The following GTPBP6 variants were observed in gnomAD, a reference collection of about 807,000 sequenced individuals.
The protein encoded by GTPBP6 is putative GTP-binding protein 6.
In GTPBP6, 33 loss-of-function variants were observed where a neutral mutation model predicts 28.9. That is an observed-to-expected ratio of 1.14 (90% CI 0.87 to 1.53). The LOEUF is 1.53. Ranked by LOEUF, GTPBP6 falls within the 40% of genes most tolerant of loss-of-function variation. The probability of loss-of-function intolerance (pLI) is 0.00; values close to 1 mark genes in which losing one functional copy is unlikely to be tolerated. For missense variants in GTPBP6, 507 were observed against 408.3 expected, an observed-to-expected ratio of 1.24 and a Z score of -2.08; for synonymous variants, 231 against 192.7, an observed-to-expected ratio of 1.20 and a Z score of -1.65.
intron 7 of GTPBP6, among the ~76,000 whole-genome samples, chrX:308,607 G>A (rs28493734): frequency 0.024 from 3,710 of 151,978 alleles, 103 homozygotes; most frequent in African/African-American, 0.069. Flanking sequence ...TTGAGCCCAG[G>A]AGGTCGAGGC....
intron 2 of GTPBP6, among the ~76,000 whole-genome samples, chrX:315,664 C>G (rs1424272926): frequency 0.012 from 143 of 11,896 alleles, no homozygotes; most frequent in Admixed American, 0.017. Flanking sequence ...GTAAACACAT[C>G]CCGGCAGGGA....
exon 9 of GTPBP6, chrX:307,469 G>A (rs372906272): frequency 9.2e-5 from 149 of 1,610,968 alleles, no homozygotes; most frequent in Admixed American, 1.7e-4. Flanking sequence ...CCGTGGCCCC[G>A]CAGGGCAGAC....
At chrX:316,872 G>C (rs1386008952) in intron 2 of GTPBP6, 42 bp downstream of exon 2, 1 of 398,750 alleles carries the variant, frequency 2.5e-6, no homozygotes, top group Non-Finnish European at 4.4e-6. Flanking sequence ...GCGGCGGACA[G>C]GAAAGGAGGT....
intron 6 of GTPBP6, 139 bp downstream of exon 6, chrX:312,627 C>T (rs757655166): frequency 2.3e-6 from 2 of 881,014 alleles, no homozygotes; most frequent in Admixed American, 2.0e-5. Flanking sequence ...ACCATGGGAA[C>T]CCCCTCTCCT....
At chrX:315,599 C>G (rs1195058207) in intron 2 of GTPBP6, among the ~76,000 whole-genome samples, 1 of 139,656 alleles carries the variant, frequency 7.2e-6, no homozygotes, top group African/African-American at 2.7e-5. Flanking sequence ...AAATACATCC[C>G]GACAGGGACA....
At chrX:316,868 G>A (rs2070449145) in intron 2 of GTPBP6, 46 bp downstream of exon 2, 1 of 398,764 alleles carries the variant, frequency 2.5e-6, no homozygotes, top group Non-Finnish European at 4.4e-6. Flanking sequence ...GGTAGCGGCG[G>A]ACAGGAAAGG....
Position 311,309 on chromosome X carries a change from G to GGCTGTGTGTGTCTGAGGGCCCGACCCCT in GTPBP6, c.1125+109_1125+110insAGGGGTCGGGCCCTCAGACACACACAGC. ...GTGGGTGTCCGAGGGCCCGGCCCCT[G>GGCTGTGTGTGTCTGAGGGCCCGACCCCT]GGCTGAGTGGGTGTCCGAGGGCCCG... On this transcript the variant is annotated intron_variant, in intron 7 of 9. Coordinates refer to ENST00000326153, the Ensembl canonical transcript of GTPBP6. The GGCTGTGTGTGTCTGAGGGCCCGACCCCT allele has an allele frequency of 5.9e-6, 4 of 677,096 alleles. No individual in the cohort carries two copies. The African/African-American group carries it at 7.5e-5, about 13-fold the overall frequency. 41.9% of individuals were successfully genotyped at this position (677,096 alleles called of 1,614,324 possible).
At chrX:313,005 G>C in intron 5 of GTPBP6, 81 bp from the exon 6 acceptor site, 1 of 1,246,404 alleles carries the variant, frequency 8.0e-7, no homozygotes, top group Non-Finnish European at 1.1e-6. Context: ...AGGGTCTGCG[G>C]GGGCCCGGGG....
intron 9 of GTPBP6, among the ~76,000 whole-genome samples, chrX:306,521 G>A (rs1228558644): frequency 7.0e-6 from 1 of 142,412 alleles, no homozygotes; most frequent in Non-Finnish European, 1.5e-5. Flanking sequence ...AGTCAGAAAT[G>A]TACATTTTGT....
intron 5 of GTPBP6, among the ~76,000 whole-genome samples, 195 bp downstream of exon 5, chrX:313,955 C>T (rs750063245): frequency 1.4e-4 from 21 of 152,276 alleles, no homozygotes; most frequent in Admixed American, 4.6e-4. Context: ...TGCTACCAGA[C>T]GGAGCCCCCA....
At chrX:306,694 G>A (rs113256000) in intron 9 of GTPBP6, among the ~76,000 whole-genome samples, 15,240 of 139,822 alleles carry the variant, frequency 0.11, 2,330 homozygotes, top group African/African-American at 0.36. Context: ...GACTGTCAGT[G>A]CAGATTAGGC....
At chrX:316,815 C>A in intron 2 of GTPBP6, 99 bp downstream of exon 2, 2 of 399,070 alleles carry the variant, frequency 5.0e-6, no homozygotes, top group Non-Finnish European at 8.8e-6. Context: ...CCTCTGGCCC[C>A]GCAAGACCCC....
chrX:305,102 C>T (rs763401928), exon 10 of GTPBP6: 101 of 1,613,050 alleles, frequency 6.3e-5, no homozygotes, highest in Non-Finnish European at 8.1e-5. Flanking sequence ...CCGGAATTTG[C>T]CGTAGGCTGA....
chrX:317,392 C>A (rs2070457307), intron 1 of GTPBP6, among the ~76,000 whole-genome samples: 1 of 152,000 alleles, frequency 6.6e-6, no homozygotes, highest in Non-Finnish European at 1.5e-5. Context: ...GAGGTCTGCG[C>A]GCTGTTCTGA....
intron 7 of GTPBP6, among the ~76,000 whole-genome samples, chrX:311,210 C>T (rs28394257): frequency 0.021 from 3,155 of 150,136 alleles, 239 homozygotes; most frequent in African/African-American, 0.069. Flanking sequence ...AGGGCCCGGC[C>T]CCTGGCTTTG....
In GTPBP6 at chrX:311,401, C is replaced by A. The variant is rs373989071; in HGVS notation, c.1125+18G>T. The A allele has an allele frequency of 2.8e-5, 32 of 1,144,534 alleles. No individual in the cohort carries two copies. In the Admixed American group the frequency reaches 9.6e-4, roughly 34 times the overall value. The allele number at this position is 1,144,534 out of a possible 1,614,324, so 70.9% of individuals were successfully genotyped here. On this transcript the variant is annotated intron_variant, in intron 7 of 9. Transcript: ENST00000326153. ...AATGGGTGTCCGAGCACCCGATCCC[C>A]GGCCGTCCCACGCTCACCGAGTGGG...
chrX:317,567 GGT>G (rs1358881503), intron 1 of GTPBP6, among the ~76,000 whole-genome samples: 1,486 of 76,042 alleles, frequency 0.02, 60 homozygotes, highest in African/African-American at 0.095. Context: ...GGGGGTGGGG[GGT>G]GGGACTAGAC....
chrX:309,366 C>T (rs994663150), intron 7 of GTPBP6, among the ~76,000 whole-genome samples: 20 of 152,176 alleles, frequency 1.3e-4, no homozygotes, highest in African/African-American at 4.8e-4. Flanking sequence ...GAATGGGACC[C>T]TACCCAGAAT....
chrX:317,182 C>T (rs2070454020), intron 1 of GTPBP6, 131 bp from the exon 2 acceptor site: 1 of 397,998 alleles, frequency 2.5e-6, no homozygotes, highest in Middle Eastern at 6.3e-4. Context: ...CCGTTTGTCC[C>T]CCGATATGAC....
Sources: allele counts gnomAD v4.1 joint callset (sites outside exome capture counted in the v4.1 genomes callset), GRCh38; gene constraint gnomAD v4.1.1; transcripts MANE v1.5; gene names NCBI Gene and HGNC (gene_info 2026-07-23, HGNC 2026-07-21).